Variants in CSMD1 observed in about 807,000 individuals in gnomAD.
CSMD1 encodes the protein CUB and sushi domain-containing protein 1.
A neutral mutation model predicts 417.5 loss-of-function variants in CSMD1; 213 were observed. The ratio of observed to expected loss-of-function variants is 0.51; its 90% CI spans 0.46 to 0.57. The LOEUF (loss-of-function observed/expected upper bound fraction) is 0.57. Among genes scored for constraint, CSMD1 ranks in the 20% least tolerant of loss-of-function variants. The pLI, the probability that CSMD1 is intolerant of heterozygous loss-of-function variation, is 0.00. For synonymous variants in CSMD1, 2,862 were observed against 1,736.8 expected (o/e 1.65, Z -16.11); for missense variants, 6,923 against 4,529.7 (o/e 1.53, Z -15.17).
chr8:4,244,055 A>G (rs1461041597), intron 3 of CSMD1, among the ~76,000 whole-genome samples: 2 of 152,178 alleles, frequency 1.3e-5, no homozygotes, highest in African/African-American at 4.8e-5. Flanking sequence ...TTTTATGTTA[A>G]AGTGCAGGTA....
chr8:3,757,652 C>G (rs1313073642), intron 5 of CSMD1, among the ~76,000 whole-genome samples: 2 of 152,008 alleles, frequency 1.3e-5, no homozygotes, highest in Admixed American at 6.6e-5. Flanking sequence ...CACCTGAGGT[C>G]AAGAGTTCAA....
chr8:3,236,130 G>A (rs900328784), intron 26 of CSMD1, among the ~76,000 whole-genome samples: 3 of 151,948 alleles, frequency 2.0e-5, no homozygotes, highest in Non-Finnish European at 2.9e-5. Flanking sequence ...ATGTTAGCCA[G>A]GAGAGTCTCG....
At chr8:4,452,288 T>G (rs576120208) in intron 2 of CSMD1, among the ~76,000 whole-genome samples, 1 of 152,200 alleles carries the variant, frequency 6.6e-6, no homozygotes, top group East Asian at 1.9e-4. Flanking sequence ...TGACTTGTCT[T>G]AACAACTATT....
At chr8:4,211,998 G>C (rs180929579) in intron 3 of CSMD1, among the ~76,000 whole-genome samples, 149 of 152,170 alleles carry the variant, frequency 9.8e-4, no homozygotes, top group African/African-American at 3.4e-3. Context: ...TTATAAAATA[G>C]CAGTTGAAAC....
At chr8:4,952,386 G>T (rs1427980809) in intron 1 of CSMD1, among the ~76,000 whole-genome samples, 2 of 151,874 alleles carry the variant, frequency 1.3e-5, no homozygotes, top group African/African-American at 4.8e-5. Context: ...TGTCCACACA[G>T]TTTCACACTT....
intron 6 of CSMD1, among the ~76,000 whole-genome samples, chr8:3,720,411 A>C (rs902106422): frequency 6.6e-6 from 1 of 152,176 alleles, no homozygotes; most frequent in African/African-American, 2.4e-5. Context: ...CAGGCACAAC[A>C]ACCTCACTGT....
chr8:4,543,241 C>G (rs1292373696), intron 2 of CSMD1, among the ~76,000 whole-genome samples: 1 of 152,146 alleles, frequency 6.6e-6, no homozygotes, highest in Non-Finnish European at 1.5e-5. Flanking sequence ...TCCACCATTA[C>G]AGAATCACAT....
chr8:4,649,911 G>C (rs1478396429), intron 1 of CSMD1, among the ~76,000 whole-genome samples: 3 of 152,240 alleles, frequency 2.0e-5, no homozygotes, highest in Non-Finnish European at 4.4e-5. Flanking sequence ...GGGGCACCAT[G>C]TGTTGATGCA....
chr8:3,213,857 C>CATATAT (rs34087160), intron 30 of CSMD1, among the ~76,000 whole-genome samples: 18 of 146,112 alleles, frequency 1.2e-4, no homozygotes, highest in South Asian at 2.2e-4. Flanking sequence ...TATACATACA[C>CATATAT]ATATATATAT....
At chr8:4,196,202 C>G (rs954383813) in intron 3 of CSMD1, among the ~76,000 whole-genome samples, 1 of 152,120 alleles carries the variant, frequency 6.6e-6, no homozygotes, top group Non-Finnish European at 1.5e-5. Context: ...CGGAGCAAGA[C>G]TCCGTTTCAA....
At chr8:3,304,334 T>C (rs1804646611) in intron 25 of CSMD1, among the ~76,000 whole-genome samples, 1 of 152,072 alleles carries the variant, frequency 6.6e-6, no homozygotes, top group African/African-American at 2.4e-5. Flanking sequence ...TGCAAGCTAA[T>C]ATCAAGGCTA....
At chr8:3,420,916 G>T (rs1268312310) in intron 12 of CSMD1, among the ~76,000 whole-genome samples, 1 of 151,830 alleles carries the variant, frequency 6.6e-6, no homozygotes, top group African/African-American at 2.4e-5. Flanking sequence ...TGTTTCTCTT[G>T]GTCCAGTTAT....
chr8:3,106,868 A>G, intron 45 of CSMD1: 1 of 367,126 alleles, frequency 2.7e-6, no homozygotes. Context: ...ATGATGTGGC[A>G]GCTTTTCTTC....
chr8:4,358,522 A>C (rs1045754374), intron 3 of CSMD1, among the ~76,000 whole-genome samples: 5 of 152,230 alleles, frequency 3.3e-5, no homozygotes, highest in African/African-American at 1.2e-4. Context: ...AGAGCTCCGC[A>C]GATGCAGAGG....
At chr8:4,063,948 C>T (rs1438342405) in intron 3 of CSMD1, among the ~76,000 whole-genome samples, 3 of 152,076 alleles carry the variant, frequency 2.0e-5, no homozygotes, top group African/African-American at 7.2e-5. Flanking sequence ...TTCATTAAAT[C>T]ATAAAATATT....
At chr8:3,218,213 G>C (rs543794520) in intron 29 of CSMD1, among the ~76,000 whole-genome samples, 93 of 152,288 alleles carry the variant, frequency 6.1e-4, no homozygotes, top group African/African-American at 2.2e-3. Flanking sequence ...ACCAGCCATA[G>C]CTGACTGAGG....
At chr8:4,560,104 G>A (rs558765664) in intron 2 of CSMD1, among the ~76,000 whole-genome samples, 6 of 152,344 alleles carry the variant, frequency 3.9e-5, no homozygotes, top group East Asian at 1.9e-4. Flanking sequence ...CCACCTCCAC[G>A]TGGTGACTGC....
intron 1 of CSMD1, among the ~76,000 whole-genome samples, chr8:4,865,525 A>G (rs11136785): frequency 6.6e-6 from 1 of 151,542 alleles, no homozygotes; most frequent in Non-Finnish European, 1.5e-5. Flanking sequence ...AATATATTAG[A>G]AAATCACTTG....
At chr8:4,154,671 A>C (rs947133558) in intron 3 of CSMD1, among the ~76,000 whole-genome samples, 1 of 152,214 alleles carries the variant, frequency 6.6e-6, no homozygotes, top group African/African-American at 2.4e-5. Flanking sequence ...CTTAGTTGAT[A>C]ACCTGAGAAT....
Sources: gnomAD v4.1 joint callset for allele counts (sites outside exome capture counted in the v4.1 genomes callset) on GRCh38, gnomAD v4.1.1 for gene constraint, MANE v1.5 for transcripts, NCBI Gene and HGNC (gene_info 2026-07-23, HGNC 2026-07-21) for gene names.